GALK2: variants seen among roughly 807,000 people sequenced by gnomAD.
The protein encoded by GALK2 is N-acetylgalactosamine kinase.
GALK2 carries 36 observed loss-of-function variants against 52.4 expected under a neutral mutation model. The observed-to-expected ratio is 0.69, with a 90% confidence interval of 0.53 to 0.91. The LOEUF (loss-of-function observed/expected upper bound fraction) is 0.91, where lower values mean the gene tolerates loss of function less well. Ranked by LOEUF, GALK2 falls within the 40% of genes least tolerant of loss-of-function variation. The pLI is 0.00. For synonymous variants in GALK2, 176 were observed against 199.1 expected (o/e 0.88, Z 0.98); for missense variants, 579 against 559.1 (o/e 1.04, Z -0.36).
intron 3 of GALK2, among the ~76,000 whole-genome samples, chr15:49,354,558 C>G (rs1470799189): frequency 6.6e-6 from 1 of 152,252 alleles, no homozygotes. Context: ...AAACGGCGCA[C>G]CACGAGATTA....
intron 1 of GALK2, among the ~76,000 whole-genome samples, chr15:49,172,341 G>T (rs1233547631): frequency 6.6e-6 from 1 of 152,166 alleles, no homozygotes; most frequent in African/African-American, 2.4e-5. Context: ...CCACAGAAGA[G>T]ATCATAGTAG....
At chr15:49,156,075 C>T (rs973748429) in intron 1 of GALK2, 2 of 1,551,084 alleles carry the variant, frequency 1.3e-6, no homozygotes, top group Admixed American at 3.3e-5. Context: ...GGTGGGTGTT[C>T]CTAAGATACT....
At chr15:49,353,260 T>A (rs535818491) in intron 3 of GALK2, among the ~76,000 whole-genome samples, 95 of 152,152 alleles carry the variant, frequency 6.2e-4, no homozygotes, top group African/African-American at 2.1e-3. Context: ...AGAGTAAAAT[T>A]TTTTCCTATA....
At chr15:49,236,428 G>A (rs1160523703) in intron 4 of GALK2, among the ~76,000 whole-genome samples, 1 of 152,056 alleles carries the variant, frequency 6.6e-6, no homozygotes, top group Non-Finnish European at 1.5e-5. Flanking sequence ...CTTGATGGTA[G>A]CCATTTAATA....
chr15:49,328,761 C>A lies in GALK2; in HGVS notation c.*602C>A. ...TTGAATGTGAGATTTCTCCAGTTAT[C>A]AAGAGACTAAGGATTTTTTTTTTTT... On this transcript the variant is annotated 3_prime_UTR_variant, in exon 10 of 10. Transcript: ENST00000560031. The A allele has an allele frequency of 5.6e-6, 8 of 1,435,486 alleles. No individual in the cohort carries two copies. Among genetic ancestry groups the A allele is most frequent in the African/African-American group, 4.8e-5 (3 of 62,234 alleles). 88.9% of individuals were successfully genotyped at this position (1,435,486 alleles called of 1,614,324 possible).
At chr15:49,266,432 G>A (rs559705430) in intron 5 of GALK2, among the ~76,000 whole-genome samples, 2 of 152,222 alleles carry the variant, frequency 1.3e-5, no homozygotes, top group African/African-American at 4.8e-5. Context: ...AATGGAGCTG[G>A]GTTTCAGGAA....
At chr15:49,226,106 C>T (rs1327804247) in intron 3 of GALK2, among the ~76,000 whole-genome samples, 2 of 152,184 alleles carry the variant, frequency 1.3e-5, no homozygotes, top group Non-Finnish European at 2.9e-5. Flanking sequence ...GGGATGGGCA[C>T]CTATGGCTGT....
At chr15:49,171,914 A>G (rs1210409086) in intron 1 of GALK2, among the ~76,000 whole-genome samples, 2 of 151,936 alleles carry the variant, frequency 1.3e-5, no homozygotes, top group Non-Finnish European at 2.9e-5. Flanking sequence ...TGGGATTACA[A>G]GTGCCCGCCA....
chr15:49,319,774 C>T lies in GALK2; in HGVS notation c.1138C>T (p.Pro380Ser). 10 of 1,613,924 alleles carry T rather than the reference C, an allele frequency of 6.2e-6. No individual in the cohort carries two copies. The highest frequency in any genetic ancestry group is 8.5e-6 in the Non-Finnish European group (10 of 1,180,016). ...SCRDMYECSC[P>S]ELDQLVDICR... ...CCGGGACATGTATGAGTGCAGCTGC[C>T]CCGAGCTGGATCAGCTGGTGGACAT... The change falls in exon 9 of 10, where the codon CCC becomes TCC. Residue 380 changes from proline to serine, a missense_variant. Pro to Ser is a moderately conservative substitution (Grantham distance 74, BLOSUM62 -1). Coordinates refer to ENST00000560031, the MANE Select transcript of GALK2 (RefSeq NM_002044.4).
At chr15:49,277,596 G>C (rs1039301697) in intron 5 of GALK2, among the ~76,000 whole-genome samples, 2 of 149,344 alleles carry the variant, frequency 1.3e-5, no homozygotes, top group African/African-American at 4.9e-5. Flanking sequence ...AGGAGATTGA[G>C]ACCATCCTGG....
At chr15:49,333,913 C>G (rs1482971109), downstream of GALK2, among the ~76,000 whole-genome samples, 2 of 152,148 alleles carry the variant, frequency 1.3e-5, no homozygotes, top group Non-Finnish European at 2.9e-5. Context: ...AAATAAAAAA[C>G]TAGCCCAATA....
At chr15:49,204,489 G>A (rs2088096885) in intron 2 of GALK2, among the ~76,000 whole-genome samples, 1 of 151,880 alleles carries the variant, frequency 6.6e-6, no homozygotes, top group African/African-American at 2.4e-5. Context: ...CCACTTTTTT[G>A]TATCCTCTTC....
At position 49,280,719 on chromosome 15, in the gene GALK2, A is replaced by G. The variant is rs1352282584; in HGVS notation, c.505-1268A>G. On this transcript the variant is annotated intron_variant, in intron 5 of 9. Transcript: ENST00000560031. ...TAAATTAAACTGAATAGATGAATGA[A>G]TGAATAGTAGTGTGAGTATTAGACG... Among the ~76,000 whole-genome samples the G allele has an allele frequency of 9.2e-5, 14 of 152,232 alleles. No homozygotes were observed. In the East Asian group the frequency reaches 2.5e-3, roughly 27 times the overall value.
At chr15:49,221,158 A>C (rs761048339) in intron 3 of GALK2, among the ~76,000 whole-genome samples, 36 of 149,966 alleles carry the variant, frequency 2.4e-4, no homozygotes, top group Non-Finnish European at 4.0e-4. Context: ...ATCTTTGGCT[A>C]TATCCTAAAG....
rs1328281602 is a variant in GALK2, at chr15:49,292,345, AG to A, written c.776del (p.Ser259ThrfsTer8). 1 of 1,614,012 alleles carries A rather than the reference AG, an allele frequency of 6.2e-7. No homozygotes were observed. The highest frequency in any genetic ancestry group is 8.5e-7 in the Non-Finnish European group (1 of 1,179,932). On this transcript the variant is annotated frameshift_variant, in exon 8 of 10. Coordinates refer to ENST00000560031, the MANE Select transcript of GALK2 (RefSeq NM_002044.4). LOFTEE classifies it high-confidence loss of function. ...TTTGCAGCTCCTGGCTAAATACAAA[AG>A]CTTGCAATGGGACAAAGTACTGAGG... ...LAAKLLAKYKSLQWDKVLRLE... is the reference protein window; with the variant it reads ...LAAKLLAKYKXLQWDKVLRLE...
intron 3 of GALK2, among the ~76,000 whole-genome samples, chr15:49,346,570 C>A (rs2041536908): frequency 6.6e-6 from 1 of 152,130 alleles, no homozygotes; most frequent in African/African-American, 2.4e-5. Context: ...GTGATTGATT[C>A]ACTGTGCATG....
intron 3 of GALK2, among the ~76,000 whole-genome samples, chr15:49,346,107 A>T (rs2041461100): frequency 6.6e-6 from 1 of 151,652 alleles, no homozygotes; most frequent in Non-Finnish European, 1.5e-5. Context: ...TGAACACGAA[A>T]CTTAACCTTT....
At chr15:49,244,107 A>G (rs2091233236) in intron 5 of GALK2, among the ~76,000 whole-genome samples, 1 of 151,992 alleles carries the variant, frequency 6.6e-6, no homozygotes, top group African/African-American at 2.4e-5. Flanking sequence ...ATTAGAAATT[A>G]TTATTATTAT....
chr15:49,225,112 G>A (rs531812749), intron 3 of GALK2: 17 of 432,034 alleles, frequency 3.9e-5, no homozygotes, highest in Admixed American at 1.8e-4. Context: ...TGGGGTAGGG[G>A]GAGACAGATG....
Sources: gnomAD v4.1 joint callset for allele counts (sites outside exome capture counted in the v4.1 genomes callset) on GRCh38, gnomAD v4.1.1 for gene constraint, MANE v1.5 for transcripts, NCBI Gene and HGNC (gene_info 2026-07-23, HGNC 2026-07-21) for gene names.